NAA16: variants seen among roughly 807,000 people sequenced by gnomAD.
NAA16 encodes the protein NARG1-like protein.
Under a neutral mutation model 110.3 loss-of-function variants are expected in NAA16, and 97 were observed. The ratio of observed to expected loss-of-function variants is 0.88; its 90% confidence interval spans 0.75 to 1.04. The LOEUF (loss-of-function observed/expected upper bound fraction) is 1.04, where lower values mean the gene tolerates loss of function less well. Among genes scored for constraint, NAA16 ranks in the 50% least tolerant of loss-of-function variants. The probability of loss-of-function intolerance (pLI) is 0.00; values close to 1 mark genes in which losing one functional copy is unlikely to be tolerated. For synonymous variants in NAA16, 372 were observed against 330.6 expected (o/e 1.13, Z -1.36); for missense variants, 1,017 against 1,005.1 (o/e 1.01, Z -0.16).
chr13:41,328,237 A>G (rs1224195652), intron 6 of NAA16, among the ~76,000 whole-genome samples: 1 of 152,124 alleles, frequency 6.6e-6, no homozygotes, highest in African/African-American at 2.4e-5. Flanking sequence ...TTCCTGTTAC[A>G]AAGTGGTGTT....
intron 12 of NAA16, among the ~76,000 whole-genome samples, chr13:41,360,860 AAAGT>A (rs1462517553): frequency 1.3e-5 from 2 of 152,242 alleles, no homozygotes; most frequent in East Asian, 3.8e-4. Context: ...TTTGAAATGA[AAAGT>A]AATATAGATT....
At chr13:41,348,275 C>G (rs1056267371) in intron 9 of NAA16, among the ~76,000 whole-genome samples, 1 of 152,120 alleles carries the variant, frequency 6.6e-6, no homozygotes, top group Non-Finnish European at 1.5e-5. Context: ...TCAAGCTATT[C>G]TCCTGCCTCG....
intron 14 of NAA16, among the ~76,000 whole-genome samples, chr13:41,368,041 T>A (rs1431172901): frequency 6.6e-6 from 1 of 152,140 alleles, no homozygotes; most frequent in African/African-American, 2.4e-5. Flanking sequence ...GCTACAAAAA[T>A]TTTAAAAAGA....
At chr13:41,345,726 G>C (rs2042664803) in intron 9 of NAA16, among the ~76,000 whole-genome samples, 1 of 152,190 alleles carries the variant, frequency 6.6e-6, no homozygotes, top group African/African-American at 2.4e-5. Flanking sequence ...GGGACTACAG[G>C]CATGCGCTAC....
intron 17 of NAA16, 162 bp from the exon 18 acceptor site, chr13:41,373,475 C>T: frequency 5.3e-6 from 3 of 566,920 alleles, no homozygotes; most frequent in Non-Finnish European, 6.7e-6. Context: ...CCAGGCTGGT[C>T]TCAAACTCCT....
At chr13:41,312,154 T>G (rs1237061218) in intron 1 of NAA16, among the ~76,000 whole-genome samples, 1 of 152,226 alleles carries the variant, frequency 6.6e-6, no homozygotes, top group Non-Finnish European at 1.5e-5. Context: ...AGTTTGCCTG[T>G]TTGTAATGTA....
intron 19 of NAA16, 99 bp from the exon 20 acceptor site, chr13:41,375,306 G>C: frequency 2.5e-6 from 2 of 785,618 alleles, no homozygotes; most frequent in Non-Finnish European, 4.0e-6. Flanking sequence ...GACTGAGGCA[G>C]CTTTCTCAAT....
At chr13:41,354,162 C>A (rs943297183) in intron 9 of NAA16, among the ~76,000 whole-genome samples, 1 of 152,092 alleles carries the variant, frequency 6.6e-6, no homozygotes, top group Non-Finnish European at 1.5e-5. Context: ...GAGATCCTGC[C>A]GTATACTGCA....
intron 13 of NAA16, among the ~76,000 whole-genome samples, chr13:41,363,315 G>T (rs1038947661): frequency 1.7e-4 from 26 of 152,138 alleles, no homozygotes; most frequent in African/African-American, 5.8e-4. Flanking sequence ...CATTCTCAGT[G>T]AGAGGTAAAT....
rs2042159417 is a variant in NAA16, at chr13:41,328,808, G to A, written c.776G>A (p.Cys259Tyr). ...ATTGATCGAAATGCAGAAAATTGGT[G>A]TTATTATGAAGGCTTGGAAAAAGCT... ...NLIDRNAENW[C>Y]YYEGLEKALQ... The change falls in exon 7 of 20, where the codon TGT becomes TAT. Residue 259 changes from cysteine to tyrosine, a missense_variant. Physicochemically the swap from Cys to Tyr is radical, Grantham distance 194. Transcript: ENST00000379406. The A allele has an allele frequency of 1.9e-6, 3 of 1,605,288 alleles. No individual in the cohort carries two copies. The highest frequency in any genetic ancestry group is 2.6e-6 in the Non-Finnish European group (3 of 1,172,760).
intron 9 of NAA16, among the ~76,000 whole-genome samples, chr13:41,345,030 G>T (rs538720131): frequency 6.6e-6 from 1 of 152,162 alleles, no homozygotes; most frequent in East Asian, 1.9e-4. Flanking sequence ...ATTTTTATCC[G>T]CAATTGTAGC....
intron 9 of NAA16, among the ~76,000 whole-genome samples, chr13:41,338,673 A>T (rs1294076174): frequency 6.6e-6 from 1 of 152,146 alleles, no homozygotes; most frequent in Non-Finnish European, 1.5e-5. Context: ...TCTGTGATTT[A>T]CTCATGAGAC....
At position 41,372,209 on chromosome 13, in the gene NAA16, A is replaced by G. The variant is rs773675983; in HGVS notation, c.1954A>G (p.Asn652Asp). ...CCTTTCTGTTTCAAAATAGGTAGAA[A>G]ATCCATTAGAGGAAGCCGTTAAGTT... ...LIPEKLERVE[N>D]PLEEAVKFLI... The change falls in exon 16 of 20, where the codon AAT becomes GAT. Residue 652 changes from asparagine (N) to aspartate (D), a missense_variant. Asn to Asp is a conservative substitution (Grantham distance 23). Coordinates refer to ENST00000379406, the MANE Select transcript of NAA16 (RefSeq NM_024561.5). The G allele has an allele frequency of 2.2e-5, 34 of 1,546,414 alleles. No homozygotes were observed. The highest frequency in any genetic ancestry group is 2.9e-5 in the Non-Finnish European group (33 of 1,148,872).
At chr13:41,314,800 A>ACATAGCAG (rs1273720841) in intron 1 of NAA16, among the ~76,000 whole-genome samples, 2 of 152,206 alleles carry the variant, frequency 1.3e-5, no homozygotes, top group East Asian at 3.9e-4. Context: ...CAAAAGACCA[A>ACATAGCAG]CATAGTGAGA....
intron 9 of NAA16, among the ~76,000 whole-genome samples, chr13:41,340,645 GA>G (rs1423610429): frequency 9.8e-6 from 1 of 102,140 alleles, no homozygotes; most frequent in Non-Finnish European, 2.0e-5. Context: ...GGTTTTGAGT[GA>G]GTTTTTTTTT....
chr13:41,354,178 A>G (rs7321509), intron 9 of NAA16, among the ~76,000 whole-genome samples: 25,450 of 152,152 alleles, frequency 0.17, 2,900 homozygotes, highest in African/African-American at 0.32. Context: ...CTGCAGCATC[A>G]TGTGAGAAAG....
chr13:41,311,627 C>T, intron 1 of NAA16, 45 bp downstream of exon 1: 2 of 1,570,942 alleles, frequency 1.3e-6, no homozygotes, highest in South Asian at 1.2e-5. Flanking sequence ...TCCCCGGGTC[C>T]TCGGGCCTTA....
In NAA16 at chr13:41,373,785, G is replaced by C; in HGVS notation, c.2299+5G>C. 6.3e-7 allele frequency: 1 copy of C among 1,589,180 alleles called. No homozygotes were observed. The highest frequency in any genetic ancestry group is 8.5e-7 in the Non-Finnish European group (1 of 1,172,076). ...CTCTTCAGCATCTACTTTCAGGTTT[G>C]TTTGTAGCCCCCAGGGTTAAAATAC... On this transcript the variant is annotated splice_donor_5th_base_variant and intron_variant, in intron 18 of 19. Transcript: ENST00000379406.
Position 41,362,030 on chromosome 13 carries a change from G to C in NAA16, c.1411-1G>C. 6.2e-7 allele frequency: 1 copy of C among 1,609,882 alleles called. No individual in the cohort carries two copies. Among genetic ancestry groups the C allele is most frequent in the Non-Finnish European group, 8.5e-7 (1 of 1,178,460 alleles). ...TATAGTTTTGAATGCTTCCATTTCA[G>C]GAAGGAACATCTGCCATGGAAAATC... On this transcript the variant is annotated splice_acceptor_variant, in intron 12 of 19. Coordinates refer to ENST00000379406, the MANE Select transcript of NAA16 (RefSeq NM_024561.5). LOFTEE classifies it high-confidence loss of function.
Sources: gnomAD v4.1 joint callset for allele counts (sites outside exome capture counted in the v4.1 genomes callset) on GRCh38, gnomAD v4.1.1 for gene constraint, MANE v1.5 for transcripts, NCBI Gene and HGNC (gene_info 2026-07-23, HGNC 2026-07-21) for gene names.